Variants in RAP1GAP2 observed in about 807,000 individuals in gnomAD.
The protein encoded by RAP1GAP2 is rap1 GTPase-activating protein 2.
Under a neutral mutation model 95.0 loss-of-function variants are expected in RAP1GAP2, and 27 were observed. The ratio of observed to expected loss-of-function variants is 0.28; its 90% CI spans 0.21 to 0.39. The LOEUF (loss-of-function observed/expected upper bound fraction) is 0.39. RAP1GAP2 is among the 10% of genes least tolerant of loss of function. The probability of loss-of-function intolerance (pLI) is 1.00; values close to 1 mark genes in which losing one functional copy is unlikely to be tolerated. For synonymous variants in RAP1GAP2, 373 were observed against 380.9 expected (o/e 0.98, Z 0.24); for missense variants, 771 against 970.0 (o/e 0.79, Z 2.72).
chr17:2,966,917 G>T (rs2044627737), intron 8 of RAP1GAP2, among the ~76,000 whole-genome samples: 1 of 152,170 alleles, frequency 6.6e-6, no homozygotes, highest in African/African-American at 2.4e-5. Flanking sequence ...CCTCCATTAG[G>T]ACTGGAAATG....
chr17:2,926,447 GCA>G (rs1429251076), intron 3 of RAP1GAP2, among the ~76,000 whole-genome samples: 2 of 152,204 alleles, frequency 1.3e-5, no homozygotes, highest in Admixed American at 6.5e-5. Flanking sequence ...AAAGCTCACT[GCA>G]CACTGTGAAT....
intron 2 of RAP1GAP2, among the ~76,000 whole-genome samples, chr17:2,845,812 G>GT (rs1597424452): frequency 6.6e-6 from 1 of 151,628 alleles, no homozygotes; most frequent in East Asian, 1.9e-4. Context: ...GGTGAGCCGA[G>GT]GTCGCACCAC....
intron 1 of RAP1GAP2, among the ~76,000 whole-genome samples, chr17:2,799,008 C>T (rs2069176074): frequency 1.3e-5 from 2 of 152,216 alleles, no homozygotes; most frequent in Non-Finnish European, 1.5e-5. Context: ...TCTCAGTTTC[C>T]CCTTGTGTCA....
intron 2 of RAP1GAP2, among the ~76,000 whole-genome samples, chr17:2,880,587 C>CATG (rs1349279528): frequency 6.6e-6 from 1 of 151,814 alleles, no homozygotes; most frequent in African/African-American, 2.4e-5. Flanking sequence ...TTCTCCAGAC[C>CATG]ATGTTCATCA....
chr17:2,887,326 A>G (rs1158149876), intron 2 of RAP1GAP2, among the ~76,000 whole-genome samples: 1 of 149,768 alleles, frequency 6.7e-6, no homozygotes, highest in Non-Finnish European at 1.5e-5. Context: ...CCAAAGTGCT[A>G]CTATTACAGG....
intron 2 of RAP1GAP2, among the ~76,000 whole-genome samples, chr17:2,884,018 CCTCT>C (rs893650591): frequency 6.6e-6 from 1 of 152,234 alleles, no homozygotes; most frequent in East Asian, 1.9e-4. Context: ...ACCTCCGCCT[CCTCT>C]CTCTCCAGGG....
rs2068731779 is a variant in RAP1GAP2, at chr17:2,784,569, CCAG to C, written c.-14+7295_-14+7297del. On this transcript the variant is annotated intron_variant, in intron 1 of 24. Coordinates refer to the RAP1GAP2 transcript ENST00000540393. ...TACAGGCGTGAGCCACCGCGCCCGG[CCAG>C]CAGTTTATTCTTTTAGCAGCAGCTA... Among the ~76,000 whole-genome samples, 5 of 152,342 alleles carry C rather than the reference CCAG, an allele frequency of 3.3e-5. No individual in the cohort carries two copies. The South Asian group carries it at 1.0e-3, about 32-fold the overall frequency.
intron 3 of RAP1GAP2, among the ~76,000 whole-genome samples, chr17:2,928,453 G>A (rs1484097652): frequency 6.6e-6 from 1 of 152,102 alleles, no homozygotes; most frequent in South Asian, 2.1e-4. Context: ...CTGCGTGTCC[G>A]GGGTCGCCTG....
At chr17:3,010,814 T>G (rs1490319043) in intron 17 of RAP1GAP2, among the ~76,000 whole-genome samples, 2 of 152,222 alleles carry the variant, frequency 1.3e-5, no homozygotes, top group African/African-American at 4.8e-5. Context: ...TTCCAGATTC[T>G]GCTCTCACAC....
chr17:2,833,435 C>T (rs1419926143), intron 2 of RAP1GAP2, among the ~76,000 whole-genome samples: 3 of 151,940 alleles, frequency 2.0e-5, no homozygotes, highest in Non-Finnish European at 4.4e-5. Flanking sequence ...CCGCGCCTGG[C>T]CTGTTCTTGG....
chr17:2,891,818 T>C (rs868290760), intron 2 of RAP1GAP2, among the ~76,000 whole-genome samples: 2,048 of 104,820 alleles, frequency 0.02, 51 homozygotes, highest in African/African-American at 0.074. Context: ...TCTTTTCTTT[T>C]TTTTTTTTTT....
intron 3 of RAP1GAP2, among the ~76,000 whole-genome samples, chr17:2,908,052 G>A (rs1232552686): frequency 1.3e-5 from 2 of 151,880 alleles, no homozygotes; most frequent in Non-Finnish European, 2.9e-5. Context: ...TGATGCGCCC[G>A]CCTCGGCCTC....
At chr17:2,885,610 C>T (rs544933082) in intron 2 of RAP1GAP2, among the ~76,000 whole-genome samples, 1 of 152,360 alleles carries the variant, frequency 6.6e-6, no homozygotes, top group East Asian at 1.9e-4. Flanking sequence ...CAGCTCCTCG[C>T]ATCCCACCAC....
intron 3 of RAP1GAP2, among the ~76,000 whole-genome samples, chr17:2,949,669 G>C (rs1157630401): frequency 6.4e-5 from 3 of 47,180 alleles, no homozygotes; most frequent in African/African-American, 1.3e-4. Flanking sequence ...AGTGCCTTCT[G>C]TGTGCCCTGA....
intron 18 of RAP1GAP2, 44 bp downstream of exon 18, chr17:3,018,242 G>A: frequency 6.5e-7 from 1 of 1,527,874 alleles, no homozygotes; most frequent in Admixed American, 2.2e-5. Context: ...GTCCCAGGGA[G>A]GCCCCCCCCA....
At chr17:2,832,882 G>A (rs1313371624) in intron 2 of RAP1GAP2, among the ~76,000 whole-genome samples, 1 of 151,818 alleles carries the variant, frequency 6.6e-6, no homozygotes. Flanking sequence ...GGGGGGCTGA[G>A]GCAGGAGACT....
intron 3 of RAP1GAP2, among the ~76,000 whole-genome samples, chr17:2,919,227 C>G (rs2042672329): frequency 6.6e-6 from 1 of 152,182 alleles, no homozygotes; most frequent in Admixed American, 6.5e-5. Flanking sequence ...GGATCCAGCC[C>G]AGCATCTGAG....
chr17:2,867,357 G>A lies in RAP1GAP2; in HGVS notation c.81-37927G>A, dbSNP rs1360528882. ...AGGCCTGGCTGGATCGAGAGCTCCA[G>A]TGGGGTCTTTGGACACTGGTTCTTT... On this transcript the variant is annotated intron_variant, in intron 2 of 24. Coordinates refer to ENST00000254695, the MANE Select transcript of RAP1GAP2 (RefSeq NM_015085.5). The surrounding 1 kb of genome is among the most constrained non-coding windows in gnomAD (Gnocchi z 4.5). Among the ~76,000 whole-genome samples the A allele has an allele frequency of 6.6e-6, 1 of 152,232 alleles. No individual in the cohort carries two copies. Among genetic ancestry groups the A allele is most frequent in the Non-Finnish European group, 1.5e-5 (1 of 68,034 alleles).
rs1469759233 is a variant in RAP1GAP2, at chr17:3,026,416, C to T, written c.1932C>T (p.Val644=). 6.4e-7 allele frequency: 1 copy of T among 1,552,840 alleles called. No individual in the cohort carries two copies. Residue 644 remains valine (V), a synonymous_variant, in exon 21 of 25, where the codon GTC becomes GTT. Coordinates refer to ENST00000254695, the MANE Select transcript of RAP1GAP2 (RefSeq NM_015085.5). ...ISRSSSSTSS[V]SSTAGEGEAM... is the part of the protein sequence containing the mutation. The stretch of plus-strand genomic sequence containing the variant: ...GCTCCTCCTCCAGCACCAGCAGCGT[C>T]AGCAGCACTGCAGGGGAGGGCGAGG...
Sources: gnomAD v4.1 joint callset for allele counts (sites outside exome capture counted in the v4.1 genomes callset) on GRCh38, gnomAD v4.1.1 for gene constraint, Gnocchi (gnomAD v3.1) non-coding constraint, MANE v1.5 for transcripts, NCBI Gene and HGNC (gene_info 2026-07-23, HGNC 2026-07-21) for gene names.